ABCC9: variants seen among roughly 807,000 people sequenced by gnomAD.
The protein encoded by ABCC9 is ATP-binding cassette sub-family C member 9.
A neutral mutation model predicts 188.3 loss-of-function variants in ABCC9; 95 were observed. That is an observed-to-expected ratio of 0.50 (90% confidence interval 0.43 to 0.60). The LOEUF (loss-of-function observed/expected upper bound fraction) is 0.60, where lower values mean the gene tolerates loss of function less well. ABCC9 is among the 20% of genes least tolerant of loss of function. The pLI, the probability that ABCC9 is intolerant of heterozygous loss-of-function variation, is 0.00. For synonymous variants in ABCC9, 659 were observed against 652.7 expected, an observed-to-expected ratio of 1.01 and a Z score of -0.15; for missense variants, 1,102 against 1,876.3, an observed-to-expected ratio of 0.59 and a Z score of 7.62.
intron 18 of ABCC9, among the ~76,000 whole-genome samples, chr12:21,871,809 A>G (rs1946096847): frequency 6.6e-6 from 1 of 152,170 alleles, no homozygotes; most frequent in Non-Finnish European, 1.5e-5. Context: ...GTCTCCAGAC[A>G]TTGCCAAATG....
At chr12:21,909,245 G>A (rs1948200336) in intron 10 of ABCC9, among the ~76,000 whole-genome samples, 1 of 151,904 alleles carries the variant, frequency 6.6e-6, no homozygotes, top group Non-Finnish European at 1.5e-5. Flanking sequence ...ATCCTACTTT[G>A]TGCCAAGCAC....
At chr12:21,803,780 A>G (rs1941652239) in intron 39 of ABCC9, among the ~76,000 whole-genome samples, 1 of 152,048 alleles carries the variant, frequency 6.6e-6, no homozygotes, top group African/African-American at 2.4e-5. Context: ...AATTGTGTTG[A>G]TAAAATTTTC....
intron 12 of ABCC9, among the ~76,000 whole-genome samples, chr12:21,904,611 G>A (rs1947941070): frequency 6.6e-6 from 1 of 152,110 alleles, no homozygotes; most frequent in Admixed American, 6.5e-5. Flanking sequence ...ATCAAAAAGT[G>A]GGCAAAGGGT....
chr12:21,854,589 T>C (rs1164545788), intron 22 of ABCC9, among the ~76,000 whole-genome samples: 1 of 152,236 alleles, frequency 6.6e-6, no homozygotes, highest in African/African-American at 2.4e-5. Context: ...TTAATGCACA[T>C]CAATTATTTC....
At chr12:21,818,456 A>G (rs1341506621) in intron 31 of ABCC9, among the ~76,000 whole-genome samples, 5 of 140,828 alleles carry the variant, frequency 3.6e-5, no homozygotes. Context: ...TGCTCTCACT[A>G]TATATATCTA....
At position 21,798,292 on chromosome 12, in the gene ABCC9, G is replaced by A. The variant is rs1471333127; in HGVS notation, c.*2752C>T. The A allele has an allele frequency of 6.6e-6, 1 of 151,854 alleles. No homozygotes were observed. Among genetic ancestry groups the A allele is most frequent in the Non-Finnish European group, 1.5e-5 (1 of 67,958 alleles). 9.4% of individuals were successfully genotyped at this position (151,854 alleles called of 1,614,324 possible). Reference sequence around the variant, plus strand: ...ACAGTCCCACCAACAGTGTAAAAGTGTTCCTATTTCTCCACATCCTCTCCA... The same window carrying A: ...ACAGTCCCACCAACAGTGTAAAAGTATTCCTATTTCTCCACATCCTCTCCA... On this transcript the variant is annotated 3_prime_UTR_variant, in exon 40 of 40. Transcript: ENST00000261200.
chr12:21,872,752 T>C (rs1277257800), intron 17 of ABCC9, 22 bp from the exon 18 acceptor site: 4 of 1,513,272 alleles, frequency 2.6e-6, no homozygotes, highest in Non-Finnish European at 3.7e-6. Flanking sequence ...AAACAAAGGA[T>C]AACTACAGAA....
At chr12:21,876,321 ACATTAATT>A (rs1358797257) in intron 16 of ABCC9, among the ~76,000 whole-genome samples, 268 of 152,324 alleles carry the variant, frequency 1.8e-3, no homozygotes, top group African/African-American at 6.1e-3. Flanking sequence ...TGAAATCTCT[ACATTAATT>A]ATTTTCTCAC....
At chr12:21,856,715 T>A (rs1444862061) in intron 22 of ABCC9, among the ~76,000 whole-genome samples, 1 of 152,008 alleles carries the variant, frequency 6.6e-6, no homozygotes, top group African/African-American at 2.4e-5. Flanking sequence ...GTTCACTGAA[T>A]TTTAGTAGAT....
chr12:21,895,508 A>C (rs147468138), intron 12 of ABCC9, among the ~76,000 whole-genome samples, 193 bp from the exon 13 acceptor site: 4 of 152,328 alleles, frequency 2.6e-5, no homozygotes, highest in African/African-American at 9.6e-5. Context: ...GTTCCCATAC[A>C]TTAGTCTTAA....
intron 12 of ABCC9, 57 bp downstream of exon 12, chr12:21,906,069 T>A: frequency 6.5e-7 from 1 of 1,531,230 alleles, no homozygotes; most frequent in Admixed American, 1.7e-5. Flanking sequence ...CTGAATAGAC[T>A]GTTGGTTATT....
chr12:21,896,476 C>A lies in ABCC9; in HGVS notation c.1619-1161G>T, dbSNP rs368580987. Among the ~76,000 whole-genome samples, 244 of 152,258 alleles carry A rather than the reference C, an allele frequency of 1.6e-3. 2 individuals carry two copies. In the South Asian group the frequency reaches 0.03, roughly 19 times the overall value. ...TATTTTAAGTTCCGGGATACATGTG[C>A]AGGATATGCGGGCTTGTTACATAGA... On this transcript the variant is annotated intron_variant, in intron 12 of 39. Transcript: ENST00000261200.
In ABCC9 at chr12:21,817,180, G is replaced by A; in HGVS notation, c.3892+7C>T. On this transcript the variant is annotated splice_region_variant and intron_variant, in intron 33 of 39. Transcript: ENST00000261200. ...TTAAGTGAGACAAACAATATTTAGA[G>A]CAATACCCATTGTGCCTTCATAGTT... 1.2e-6 allele frequency: 2 copies of A among 1,612,704 alleles called. No individual in the cohort carries two copies. Among genetic ancestry groups the A allele is most frequent in the Non-Finnish European group, 8.5e-7 (1 of 1,179,082 alleles).
chr12:21,893,999 T>C, intron 14 of ABCC9, 33 bp downstream of exon 14: 1 of 1,612,016 alleles, frequency 6.2e-7, no homozygotes, highest in Admixed American at 1.7e-5. Flanking sequence ...CTATTATCAA[T>C]AAGCAAAAAA....
In ABCC9 at chr12:21,798,180, C is replaced by T. The variant is rs551414448; in HGVS notation, c.*2864G>A. The T allele has an allele frequency of 4.6e-4, 70 of 152,268 alleles. No individual in the cohort carries two copies. Among genetic ancestry groups the T allele is most frequent in the Admixed American group, 2.0e-3 (30 of 15,284 alleles). The allele number at this position is 152,268 out of a possible 1,614,324, so 9.4% of individuals were successfully genotyped here. A position where few individuals can be genotyped will look rare whatever the true frequency, so the allele number is the denominator to read the frequency against. On this transcript the variant is annotated 3_prime_UTR_variant, in exon 40 of 40. Coordinates refer to ENST00000261200, the MANE Select transcript of ABCC9 (RefSeq NM_020297.4). Reference sequence around the variant, plus strand: ...GAATGTGATCTTTAGTTTAGTGTAACTAGATAGGCTTCTACTGATGTTGCC... The same window carrying T: ...GAATGTGATCTTTAGTTTAGTGTAATTAGATAGGCTTCTACTGATGTTGCC...
At chr12:21,924,542 A>T (rs1948973097) in intron 5 of ABCC9, 1 of 152,066 alleles carries the variant, frequency 6.6e-6, no homozygotes, top group South Asian at 2.1e-4. Context: ...AAGAAATATT[A>T]TATTTTATCT....
intron 18 of ABCC9, among the ~76,000 whole-genome samples, chr12:21,867,611 G>T (rs1016854496): frequency 1.4e-4 from 22 of 152,048 alleles, no homozygotes; most frequent in Admixed American, 7.2e-4. Flanking sequence ...GCACAAACAT[G>T]ATATATTACA....
chr12:21,923,474 A>T, intron 5 of ABCC9: 1 of 187,622 alleles, frequency 5.3e-6, no homozygotes, highest in Non-Finnish European at 1.1e-5. Context: ...ACATGGGCAA[A>T]AGATATGAAT....
chr12:21,825,649 G>T (rs562966603), intron 31 of ABCC9, among the ~76,000 whole-genome samples: 1 of 151,860 alleles, frequency 6.6e-6, no homozygotes, highest in East Asian at 1.9e-4. Context: ...GTCCGGGGGT[G>T]GGGGGCTAGG....
Sources: allele counts gnomAD v4.1 joint callset (sites outside exome capture counted in the v4.1 genomes callset), GRCh38; gene constraint gnomAD v4.1.1; transcripts MANE v1.5; gene names NCBI Gene and HGNC (gene_info 2026-07-23, HGNC 2026-07-21).